KCNQ3: variants seen among roughly 807,000 people sequenced by gnomAD.
KCNQ3 encodes potassium voltage-gated channel subfamily KQT member 3.
A neutral mutation model predicts 92.5 loss-of-function variants in KCNQ3; 30 were observed. The ratio of observed to expected loss-of-function variants is 0.32; its 90% CI spans 0.24 to 0.44. The LOEUF is 0.44. Among genes scored for constraint, KCNQ3 ranks in the 20% least tolerant of loss-of-function variants. KCNQ3 has a pLI of 1.00. For synonymous variants in KCNQ3, 450 were observed against 468.8 expected (o/e 0.96, Z 0.52); for missense variants, 913 against 1,140.3 (o/e 0.80, Z 2.87).
intron 1 of KCNQ3, among the ~76,000 whole-genome samples, chr8:132,445,023 G>T (rs548476820): frequency 9.9e-5 from 15 of 152,176 alleles, no homozygotes; most frequent in Middle Eastern, 3.4e-3. Flanking sequence ...AAGCCTTCAG[G>T]GTGTTTCCAG....
intron 1 of KCNQ3, among the ~76,000 whole-genome samples, chr8:132,371,290 T>G (rs896521754): frequency 1.3e-5 from 2 of 152,210 alleles, no homozygotes; most frequent in African/African-American, 4.8e-5. Context: ...TCTGGTAGTT[T>G]GTTGGGCCTA....
At chr8:132,225,932 C>A (rs1814400533) in intron 1 of KCNQ3, among the ~76,000 whole-genome samples, 1 of 152,140 alleles carries the variant, frequency 6.6e-6, no homozygotes, top group Admixed American at 6.5e-5. Context: ...GAGCTTGAAG[C>A]CTACTCCCTA....
At chr8:132,441,243 T>C (rs1821527245) in intron 1 of KCNQ3, among the ~76,000 whole-genome samples, 1 of 152,210 alleles carries the variant, frequency 6.6e-6, no homozygotes, top group African/African-American at 2.4e-5. Context: ...GTCTTTACAA[T>C]AGAATGATTA....
At chr8:132,243,952 T>C (rs559364064) in intron 1 of KCNQ3, among the ~76,000 whole-genome samples, 2 of 152,318 alleles carry the variant, frequency 1.3e-5, no homozygotes, top group East Asian at 1.9e-4. Context: ...GGAAGATCAA[T>C]GGCAACGAGC....
At chr8:132,285,123 A>T (rs1004393388) in intron 1 of KCNQ3, among the ~76,000 whole-genome samples, 5 of 152,212 alleles carry the variant, frequency 3.3e-5, no homozygotes. Flanking sequence ...GATGAGTGGG[A>T]TGACACCTGA....
Position 132,163,451 on chromosome 8 carries a change from C to A in KCNQ3, c.1262+17G>T. ...ACACAGAGATGTGAAGAAGGGAATT[C>A]ATAATCAGAAACTTACCTGGATGCT... On this transcript the variant is annotated intron_variant, in intron 9 of 14. Transcript: ENST00000388996. 1 of 1,607,290 alleles carries A rather than the reference C, an allele frequency of 6.2e-7. No homozygotes were observed. The highest frequency in any genetic ancestry group is 1.1e-5 in the South Asian group (1 of 90,962).
rs77905181 is a variant in KCNQ3, at chr8:132,399,038, C to T, written c.386+81109G>A. On this transcript the variant is annotated intron_variant, in intron 1 of 14. Coordinates refer to ENST00000388996, the MANE Select transcript of KCNQ3 (RefSeq NM_004519.4). ...TGTCAAGTGCCTTTGAGACAGGCAT[C>T]GTAAAAGTCCACCAACAAAATAGGA... 7.4e-4 allele frequency among the ~76,000 whole-genome samples: 112 copies of T among 152,300 alleles called. 4 individuals are homozygous for T. The East Asian group carries it at 0.021, about 28-fold the overall frequency.
At chr8:132,198,138 T>G (rs1827357552) in intron 1 of KCNQ3, among the ~76,000 whole-genome samples, 1 of 152,222 alleles carries the variant, frequency 6.6e-6, no homozygotes. Context: ...TTGCTGGCTT[T>G]GAAGTTGCTG....
intron 1 of KCNQ3, among the ~76,000 whole-genome samples, chr8:132,399,335 G>C (rs1235241209): frequency 1.3e-5 from 2 of 152,068 alleles, no homozygotes; most frequent in African/African-American, 4.8e-5. Flanking sequence ...CTCACAGAAA[G>C]CAGTTATATT....
At position 132,174,268 on chromosome 8, in the gene KCNQ3, T is replaced by G; in HGVS notation, c.1015A>C (p.Ile339Leu). The G allele has an allele frequency of 6.4e-7, 1 of 1,551,672 alleles. No individual in the cohort carries two copies. The highest frequency in any genetic ancestry group is 2.4e-5 in the East Asian group (1 of 40,934). ...GRLIAATFSL[I>L]GVSFFALPAG... Reference sequence around the variant, plus strand: ...GGAAGGGCAAAAAAGGAGACGCCAATTAAGGAAAAGGTGGCGGCAATCAGA... The same window carrying G: ...GGAAGGGCAAAAAAGGAGACGCCAAGTAAGGAAAAGGTGGCGGCAATCAGA... Residue 339 changes from isoleucine (I) to leucine (L), a missense_variant, in exon 6 of 15, where the codon ATT (isoleucine) becomes CTT (leucine). By Grantham distance (5) the Ile-to-Leu change is conservative (BLOSUM62 2). This residue lies in a region of KCNQ3 where 52 missense variants were observed against 127.7 expected (regional missense o/e 0.41). Transcript: ENST00000388996.
intron 7 of KCNQ3, among the ~76,000 whole-genome samples, chr8:132,171,992 C>CAA (rs34581870): frequency 7.0e-6 from 1 of 142,516 alleles, no homozygotes; most frequent in Non-Finnish European, 1.5e-5. Context: ...CTCATCTCTA[C>CAA]AAAAAAAAAA....
intron 1 of KCNQ3, among the ~76,000 whole-genome samples, chr8:132,273,290 C>G (rs1231129342): frequency 1.3e-5 from 2 of 152,244 alleles, no homozygotes; most frequent in Non-Finnish European, 2.9e-5. Flanking sequence ...TGTGCACCCA[C>G]AGGCTCAACA....
intron 1 of KCNQ3, among the ~76,000 whole-genome samples, chr8:132,426,420 A>G (rs201621597): frequency 6.6e-6 from 1 of 150,506 alleles, no homozygotes; most frequent in African/African-American, 2.4e-5. Flanking sequence ...ACCAGGGGGC[A>G]CCCCCGCCAG....
At chr8:132,363,377 A>T (rs1003815321) in intron 1 of KCNQ3, among the ~76,000 whole-genome samples, 2 of 152,172 alleles carry the variant, frequency 1.3e-5, no homozygotes, top group African/African-American at 2.4e-5. Flanking sequence ...TGGTCATTGA[A>T]CACTTAATTC....
intron 1 of KCNQ3, among the ~76,000 whole-genome samples, chr8:132,340,618 G>T (rs1818501336): frequency 6.6e-6 from 1 of 152,046 alleles, no homozygotes; most frequent in East Asian, 1.9e-4. Context: ...TTGGGGGGTG[G>T]TGGGGGATGG....
intron 1 of KCNQ3, among the ~76,000 whole-genome samples, chr8:132,307,353 G>A (rs1297592765): frequency 3.3e-5 from 5 of 152,164 alleles, no homozygotes; most frequent in Non-Finnish European, 7.3e-5. Flanking sequence ...CGCCCCTTAG[G>A]TTTGTGGCTG....
At chr8:132,240,312 G>A (rs1246378740) in intron 1 of KCNQ3, among the ~76,000 whole-genome samples, 3 of 149,728 alleles carry the variant, frequency 2.0e-5, no homozygotes, top group African/African-American at 7.4e-5. Flanking sequence ...TCAGCCTCCC[G>A]AGTAGCTGGG....
At chr8:132,465,617 G>A (rs931734544) in intron 1 of KCNQ3, among the ~76,000 whole-genome samples, 10 of 152,104 alleles carry the variant, frequency 6.6e-5, no homozygotes, top group Admixed American at 4.6e-4. Context: ...GGTGGCAGGC[G>A]CCTGTGGTCC....
chr8:132,449,254 C>T (rs902487534), intron 1 of KCNQ3, among the ~76,000 whole-genome samples: 6 of 152,082 alleles, frequency 3.9e-5, no homozygotes, highest in African/African-American at 1.2e-4. Context: ...TGCCTGCCTC[C>T]GCATCCCTTC....
Sources: gnomAD v4.1 joint callset for allele counts (sites outside exome capture counted in the v4.1 genomes callset) on GRCh38, gnomAD v4.1.1 for gene constraint, gnomAD v4.1.1 regional missense constraint, MANE v1.5 for transcripts, NCBI Gene and HGNC (gene_info 2026-07-23, HGNC 2026-07-21) for gene names.